CBL: variants seen among roughly 807,000 people sequenced by gnomAD.
The protein encoded by CBL is E3 ubiquitin-protein ligase CBL.
In CBL, 45 loss-of-function variants were observed where a neutral mutation model predicts 96.9. That is an observed-to-expected ratio of 0.46 (90% CI 0.37 to 0.60). The LOEUF is 0.60. Among genes scored for constraint, CBL ranks in the 20% least tolerant of loss-of-function variants. The pLI is 0.00. For missense variants in CBL, 1,024 were observed against 1,143.5 expected, an observed-to-expected ratio of 0.90 and a Z score of 1.51; for synonymous variants, 420 against 426.8, an observed-to-expected ratio of 0.98 and a Z score of 0.20.
At chr11:119,249,650 GTTTCTTTC>G (rs140871704) in intron 2 of CBL, among the ~76,000 whole-genome samples, 11 of 148,942 alleles carry the variant, frequency 7.4e-5, no homozygotes, top group Non-Finnish European at 1.0e-4. Context: ...TTTTGGTACA[GTTTCTTTC>G]TTTCTTTCTT....
chr11:119,207,628 T>C (rs1195850491), intron 1 of CBL, among the ~76,000 whole-genome samples: 1 of 152,240 alleles, frequency 6.6e-6, no homozygotes, highest in East Asian at 1.9e-4. Context: ...ATGTAGTCAG[T>C]CTCAAGTATT....
chr11:119,291,881 G>C (rs1950029353), intron 12 of CBL, among the ~76,000 whole-genome samples: 1 of 151,524 alleles, frequency 6.6e-6, no homozygotes, highest in Non-Finnish European at 1.5e-5. Context: ...TTTCGAGACA[G>C]AGTCTCACTC....
chr11:119,284,936 A>G (rs1348529951), intron 9 of CBL, 33 bp from the exon 10 acceptor site: 1 of 1,613,292 alleles, frequency 6.2e-7, no homozygotes, highest in Admixed American at 1.7e-5. Context: ...TCCCCAAACG[A>G]AAGTAATCTG....
At chr11:119,270,878 C>T (rs2135296217) in intron 2 of CBL, among the ~76,000 whole-genome samples, 1 of 152,294 alleles carries the variant, frequency 6.6e-6, no homozygotes, top group African/African-American at 2.4e-5. Context: ...CCACTCTCGG[C>T]CTGTGTGATA....
At chr11:119,250,573 A>G (rs1376228852) in intron 2 of CBL, among the ~76,000 whole-genome samples, 5 of 152,200 alleles carry the variant, frequency 3.3e-5, no homozygotes, top group Non-Finnish European at 7.3e-5. Flanking sequence ...CTCTCCAGGC[A>G]GTAAGTTAGA....
chr11:119,284,956 T>C lies in CBL; in HGVS notation c.1432-13T>C. On this transcript the variant is annotated splice_polypyrimidine_tract_variant and intron_variant, in intron 9 of 15. Transcript: ENST00000264033. Reference sequence around the variant, plus strand: ...AAACGAAAGTAATCTGTTAAATTTTTTATGTACCCTAGGTGGAACGGCCGC... The same window carrying C: ...AAACGAAAGTAATCTGTTAAATTTTCTATGTACCCTAGGTGGAACGGCCGC... The C allele has an allele frequency of 6.2e-7, 1 of 1,614,036 alleles. No homozygotes were observed. Among genetic ancestry groups the C allele is most frequent in the Admixed American group, 1.7e-5 (1 of 60,022 alleles).
intron 1 of CBL, among the ~76,000 whole-genome samples, chr11:119,231,943 A>C (rs190732946): frequency 2.8e-4 from 42 of 151,806 alleles, no homozygotes; most frequent in Non-Finnish European, 5.6e-4. Flanking sequence ...AAAAAAAAAA[A>C]AAACAACAAT....
chr11:119,228,817 T>A (rs574694694), intron 1 of CBL, among the ~76,000 whole-genome samples: 4 of 150,672 alleles, frequency 2.7e-5, no homozygotes, highest in Non-Finnish European at 5.9e-5. Flanking sequence ...TCTCTCTCTT[T>A]TTTTTTTTTG....
At chr11:119,290,311 G>T (rs911968906) in intron 12 of CBL, among the ~76,000 whole-genome samples, 2 of 151,966 alleles carry the variant, frequency 1.3e-5, no homozygotes, top group African/African-American at 4.8e-5. Flanking sequence ...CTCCCAGAGT[G>T]CAGGGATTAT....
chr11:119,279,060 T>C (rs1949912870), intron 9 of CBL, among the ~76,000 whole-genome samples: 1 of 152,204 alleles, frequency 6.6e-6, no homozygotes, highest in Non-Finnish European at 1.5e-5. Flanking sequence ...GTTCTTACTG[T>C]CTGTATTTTT....
At chr11:119,240,310 G>GA (rs981646957) in intron 2 of CBL, among the ~76,000 whole-genome samples, 9 of 149,996 alleles carry the variant, frequency 6.0e-5, no homozygotes, top group South Asian at 2.1e-4. Context: ...AAAAAAAAAA[G>GA]AAAAAAAAGA....
intron 9 of CBL, 100 bp from the exon 10 acceptor site, chr11:119,284,869 T>C: frequency 6.9e-7 from 1 of 1,439,172 alleles, no homozygotes; most frequent in African/African-American, 1.4e-5. Flanking sequence ...ATTTGTAGTT[T>C]AAGTGTTCCC....
At chr11:119,207,085 GA>G (rs1364021211) in intron 1 of CBL, among the ~76,000 whole-genome samples, 2 of 152,124 alleles carry the variant, frequency 1.3e-5, no homozygotes, top group African/African-American at 4.8e-5. Context: ...TCTGACTGAG[GA>G]ACCTGGCTGG....
intron 1 of CBL, among the ~76,000 whole-genome samples, chr11:119,211,434 G>A (rs1949318181): frequency 6.6e-6 from 1 of 152,110 alleles, no homozygotes; most frequent in Admixed American, 6.6e-5. Context: ...TCAGATACGG[G>A]GAGATACTGT....
chr11:119,215,511 C>T (rs531642912), intron 1 of CBL, among the ~76,000 whole-genome samples: 5 of 150,312 alleles, frequency 3.3e-5, no homozygotes, highest in South Asian at 2.1e-4. Flanking sequence ...ACTAAAAATA[C>T]AAAAATTAGC....
At chr11:119,213,928 G>T (rs1402995182) in intron 1 of CBL, among the ~76,000 whole-genome samples, 2 of 151,812 alleles carry the variant, frequency 1.3e-5, no homozygotes, top group Non-Finnish European at 2.9e-5. Flanking sequence ...TATGGAGGGG[G>T]GCATTCATCT....
chr11:119,265,732 C>A (rs539152899), intron 2 of CBL, among the ~76,000 whole-genome samples: 2 of 152,018 alleles, frequency 1.3e-5, no homozygotes, highest in East Asian at 3.9e-4. Flanking sequence ...ACTAAAAATA[C>A]AAAAATTAGG....
intron 1 of CBL, among the ~76,000 whole-genome samples, chr11:119,216,742 A>G (rs1437190479): frequency 6.6e-6 from 1 of 152,194 alleles, no homozygotes; most frequent in East Asian, 1.9e-4. Flanking sequence ...TTTATGAATC[A>G]TAAAAGATAC....
intron 2 of CBL, 67 bp downstream of exon 2, chr11:119,232,762 A>G: frequency 6.9e-7 from 1 of 1,458,972 alleles, no homozygotes; most frequent in South Asian, 1.2e-5. Flanking sequence ...AACACATAGA[A>G]GTAGTTGAGT....
Sources: allele counts gnomAD v4.1 joint callset (sites outside exome capture counted in the v4.1 genomes callset), GRCh38; gene constraint gnomAD v4.1.1; transcripts MANE v1.5; gene names NCBI Gene and HGNC (gene_info 2026-07-23, HGNC 2026-07-21).